The following WFDC11 variants were observed in gnomAD, a reference collection of about 807,000 sequenced individuals.
WFDC11 encodes the protein WAP four-disulfide core domain 11.
A neutral mutation model predicts 9.9 loss-of-function variants in WFDC11; 9 were observed. The observed-to-expected ratio is 0.91, with a 90% CI of 0.55 to 1.58. The LOEUF (loss-of-function observed/expected upper bound fraction) is 1.58, where lower values mean the gene tolerates loss of function less well. Ranked by LOEUF, WFDC11 falls within the 40% of genes most tolerant of loss-of-function variation. The pLI, the probability that WFDC11 is intolerant of heterozygous loss-of-function variation, is 0.00. For synonymous variants in WFDC11, 32 were observed against 33.3 expected (o/e 0.96, Z 0.13); for missense variants, 106 against 101.7 (o/e 1.04, Z -0.18).
intron 2 of WFDC11, among the ~76,000 whole-genome samples, chr20:45,657,985 T>G (rs1982973115): frequency 6.6e-6 from 1 of 152,176 alleles, no homozygotes; most frequent in Admixed American, 6.6e-5. Context: ...TAAATATAGA[T>G]TTTTTATAAA....
At chr20:45,656,450 G>T (rs1412670309) in intron 2 of WFDC11, among the ~76,000 whole-genome samples, 1 of 152,184 alleles carries the variant, frequency 6.6e-6, no homozygotes, top group Non-Finnish European at 1.5e-5. Context: ...ATGGATTAAA[G>T]ACTTAAATGT....
chr20:45,656,622 A>G (rs1433079505), intron 2 of WFDC11, among the ~76,000 whole-genome samples: 2 of 151,726 alleles, frequency 1.3e-5, no homozygotes, highest in Admixed American at 1.3e-4. Context: ...TGCACAGCAA[A>G]GGAAACTACC....
chr20:45,663,433 C>T (rs1983117750), intron 2 of WFDC11, among the ~76,000 whole-genome samples: 1 of 152,032 alleles, frequency 6.6e-6, no homozygotes, highest in South Asian at 2.1e-4. Flanking sequence ...TCTTTCAGTT[C>T]TTCTCTGATC....
At chr20:45,662,831 A>G (rs1478518092) in intron 2 of WFDC11, among the ~76,000 whole-genome samples, 1 of 152,160 alleles carries the variant, frequency 6.6e-6, no homozygotes, top group African/African-American at 2.4e-5. Context: ...CCAGTGTTTT[A>G]TTGAGGATTT....
At chr20:45,666,071 G>T (rs1983181834) in intron 2 of WFDC11, among the ~76,000 whole-genome samples, 1 of 152,188 alleles carries the variant, frequency 6.6e-6, no homozygotes, top group Admixed American at 6.5e-5. Flanking sequence ...GCTGCGATGG[G>T]CTCTGCCTAA....
At chr20:45,655,426 T>G (rs979552463) in intron 2 of WFDC11, among the ~76,000 whole-genome samples, 1 of 152,126 alleles carries the variant, frequency 6.6e-6, no homozygotes, top group African/African-American at 2.4e-5. Context: ...ATTGATGGGA[T>G]GTATCTCAAA....
chr20:45,648,762 T>A, intron 4 of WFDC11, 23 bp from the exon 5 acceptor site: 2 of 1,613,672 alleles, frequency 1.2e-6, no homozygotes, highest in Non-Finnish European at 1.7e-6. Context: ...AAGGTTAGAT[T>A]TTTAGAGGCT....
At chr20:45,656,493 A>C (rs1982934110) in intron 2 of WFDC11, among the ~76,000 whole-genome samples, 1 of 152,180 alleles carries the variant, frequency 6.6e-6, no homozygotes, top group South Asian at 2.1e-4. Flanking sequence ...CTGGAAGAAA[A>C]CCTAGGCAAT....
intron 3 of WFDC11, 111 bp from the exon 4 acceptor site, chr20:45,649,510 C>T: frequency 7.4e-7 from 1 of 1,343,464 alleles, no homozygotes; most frequent in Non-Finnish European, 1.0e-6. Flanking sequence ...CCCCAAATTC[C>T]AACCAAGATA....
Position 45,664,248 on chromosome 20 carries a change from CT to C in WFDC11, c.-52+2839del, listed in dbSNP as rs549440758. On this transcript the variant is annotated intron_variant, in intron 2 of 4. Transcript: ENST00000324384. Reference sequence around the variant, plus strand: ...TCAGAGACTAGAATTGTGACCCCTGCTTTTTTTTTGCTTTCCATTTGCTTAG... The same window carrying C: ...TCAGAGACTAGAATTGTGACCCCTGCTTTTTTTTGCTTTCCATTTGCTTAG... 8.6e-5 allele frequency among the ~76,000 whole-genome samples: 13 copies of C among 151,252 alleles called. No homozygotes were observed. In the East Asian group the frequency reaches 2.1e-3, roughly 25 times the overall value.
chr20:45,665,071 T>A (rs1243407519), intron 2 of WFDC11, among the ~76,000 whole-genome samples: 1 of 152,188 alleles, frequency 6.6e-6, no homozygotes, highest in East Asian at 1.9e-4. Context: ...GTAGCTTTGG[T>A]TTTTTCACAT....
intron 1 of WFDC11, among the ~76,000 whole-genome samples, chr20:45,667,454 A>T (rs906119589): frequency 6.6e-6 from 1 of 150,820 alleles, no homozygotes. Context: ...GTGGAGTGGA[A>T]GGAGGATCTA....
In WFDC11 at chr20:45,648,681, A is replaced by G. The variant is rs77436791; in HGVS notation, c.*38T>C. ...CTATGAGACCTCTTAAACATTTCCC[A>G]GCCCACACAGGTGGCAGCCTGGTGG... is the stretch of plus-strand genomic sequence containing the variant. On this transcript the variant is annotated 3_prime_UTR_variant, in exon 5 of 5. Coordinates refer to ENST00000324384, the MANE Select transcript of WFDC11 (RefSeq NM_147197.2). 6,876 of 1,613,472 alleles carry G rather than the reference A, an allele frequency of 4.3e-3. 270 individuals are homozygous for G. In the African/African-American group the frequency reaches 0.081, roughly 19 times the overall value.
intron 2 of WFDC11, among the ~76,000 whole-genome samples, chr20:45,658,518 C>T (rs1017122223): frequency 2.6e-5 from 4 of 151,802 alleles, no homozygotes; most frequent in African/African-American, 9.7e-5. Flanking sequence ...GTTACATGAT[C>T]GTTTGTATAT....
chr20:45,667,634 A>G (rs1028618732), intron 1 of WFDC11, among the ~76,000 whole-genome samples: 1 of 152,246 alleles, frequency 6.6e-6, no homozygotes, highest in African/African-American at 2.4e-5. Flanking sequence ...AAAATATCAC[A>G]TAACATGTAG....
intron 2 of WFDC11, among the ~76,000 whole-genome samples, chr20:45,657,866 C>G (rs1982970543): frequency 6.6e-6 from 1 of 152,100 alleles, no homozygotes; most frequent in Non-Finnish European, 1.5e-5. Context: ...AAAGTGTTAG[C>G]TTACAAAATT....
chr20:45,654,940 A>T (rs1031334787), intron 2 of WFDC11, among the ~76,000 whole-genome samples: 5 of 152,220 alleles, frequency 3.3e-5, no homozygotes, highest in Non-Finnish European at 5.9e-5. Flanking sequence ...GCAATAATTA[A>T]TAGCTTACCA....
intron 1 of WFDC11, among the ~76,000 whole-genome samples, chr20:45,667,466 A>G (rs1282653420): frequency 6.9e-6 from 1 of 145,806 alleles, no homozygotes; most frequent in Non-Finnish European, 1.5e-5. Context: ...GAGGATCTAC[A>G]TATCTATTTT....
At chr20:45,662,362 A>C (rs1213659355) in intron 2 of WFDC11, among the ~76,000 whole-genome samples, 1 of 152,196 alleles carries the variant, frequency 6.6e-6, no homozygotes, top group Non-Finnish European at 1.5e-5. Context: ...TGTCATCTGC[A>C]AACAGGGACA....
Sources: gnomAD v4.1 joint callset for allele counts (sites outside exome capture counted in the v4.1 genomes callset) on GRCh38, gnomAD v4.1.1 for gene constraint, MANE v1.5 for transcripts, NCBI Gene and HGNC (gene_info 2026-07-23, HGNC 2026-07-21) for gene names.